The following CRACR2A variants were observed in gnomAD, a reference collection of about 807,000 sequenced individuals.
The protein encoded by CRACR2A is EF-hand calcium-binding domain-containing protein 4B.
CRACR2A carries 79 observed loss-of-function variants against 90.5 expected under a neutral mutation model. The ratio of observed to expected loss-of-function variants is 0.87; its 90% CI spans 0.73 to 1.05. The LOEUF is 1.05. Ranked by LOEUF, CRACR2A falls within the 50% of genes least tolerant of loss-of-function variation. The pLI is 0.00. For missense variants in CRACR2A, 823 were observed against 897.2 expected (o/e 0.92, Z 1.06); for synonymous variants, 338 against 356.7 (o/e 0.95, Z 0.59).
chr12:3,697,648 G>A (rs1464292556), intron 3 of CRACR2A, among the ~76,000 whole-genome samples: 1 of 152,218 alleles, frequency 6.6e-6, no homozygotes, highest in Admixed American at 6.5e-5. Flanking sequence ...TCAGGTGGAT[G>A]CACTTGCTCC....
At chr12:3,653,050 T>C (rs1294424371) in intron 10 of CRACR2A, among the ~76,000 whole-genome samples, 1 of 151,806 alleles carries the variant, frequency 6.6e-6, no homozygotes, top group Non-Finnish European at 1.5e-5. Flanking sequence ...TGGCACGATC[T>C]TGGCTCACTG....
rs142209427 is a variant in CRACR2A at position 3,682,160 on chromosome 12, C to T, written c.229-1811G>A. 1.7e-3 allele frequency among the ~76,000 whole-genome samples: 257 copies of T among 152,334 alleles called. 5 individuals are homozygous for T. The East Asian group carries it at 0.044, about 26-fold the overall frequency. On this transcript the variant is annotated intron_variant, in intron 4 of 19. Coordinates refer to ENST00000440314, the MANE Select transcript of CRACR2A (RefSeq NM_001144958.2). Reference sequence around the variant, plus strand: ...AGGGTAAAAGCGCAAGCTCCTGTCACGCTCACATTCCAGTCCTTCCTTTGG... The same window carrying T: ...AGGGTAAAAGCGCAAGCTCCTGTCATGCTCACATTCCAGTCCTTCCTTTGG...
rs551730184 is a variant in CRACR2A, at chr12:3,697,054, A to G, written c.-36-19T>C. ...TCAGAACCTGAACATAGAAAATGGG[A>G]GAGAGAAGTGGGTGTGGTGGGTTGG... On this transcript the variant is annotated intron_variant, in intron 3 of 19. Coordinates refer to ENST00000440314, the MANE Select transcript of CRACR2A (RefSeq NM_001144958.2). 5.3e-4 allele frequency: 825 copies of G among 1,543,986 alleles called. No homozygotes were observed. The highest frequency in any genetic ancestry group is 6.8e-4 in the Non-Finnish European group (774 of 1,142,078).
At chr12:3,718,710 A>G (rs533824300) in intron 2 of CRACR2A, among the ~76,000 whole-genome samples, 1 of 152,350 alleles carries the variant, frequency 6.6e-6, no homozygotes, top group East Asian at 1.9e-4. Flanking sequence ...ACTTTTTTAA[A>G]ACAATGTGGC....
intron 1 of CRACR2A, among the ~76,000 whole-genome samples, chr12:3,739,144 T>C (rs935436602): frequency 7.2e-5 from 11 of 152,096 alleles, no homozygotes; most frequent in African/African-American, 2.7e-4. Context: ...AGATCTGAGA[T>C]TAAGGAAGAA....
intron 1 of CRACR2A, among the ~76,000 whole-genome samples, chr12:3,752,040 G>C (rs78773614): frequency 9.9e-4 from 150 of 152,044 alleles, no homozygotes; most frequent in African/African-American, 3.6e-3. Flanking sequence ...AAGACTCTTC[G>C]GTACATGCTG....
At chr12:3,639,178 C>T (rs1039288984) in intron 13 of CRACR2A, among the ~76,000 whole-genome samples, 4 of 152,164 alleles carry the variant, frequency 2.6e-5, no homozygotes, top group South Asian at 4.1e-4. Context: ...GAAAGCCAGG[C>T]AGAGCATCTC....
intron 1 of CRACR2A, among the ~76,000 whole-genome samples, chr12:3,742,798 C>T (rs930622134): frequency 3.3e-5 from 5 of 152,202 alleles, no homozygotes. Flanking sequence ...AAGCTCAGTT[C>T]CCACCTACTT....
Position 3,702,779 on chromosome 12 carries a change from T to C in CRACR2A, c.-36-5744A>G, listed in dbSNP as rs1191972968. On this transcript the variant is annotated intron_variant, in intron 3 of 19. Transcript: ENST00000440314. ...CACCAGGCTTATTTGTAGAAACTGA[T>C]AACCTGATTTAGAATTCACACAAAA... 3.3e-5 allele frequency among the ~76,000 whole-genome samples: 5 copies of C among 152,214 alleles called. No individual in the cohort carries two copies. In the East Asian group the frequency reaches 9.6e-4, roughly 29 times the overall value.
At chr12:3,668,956 G>A (rs536458170) in intron 7 of CRACR2A, among the ~76,000 whole-genome samples, 3 of 152,322 alleles carry the variant, frequency 2.0e-5, no homozygotes, top group African/African-American at 2.4e-5. Context: ...TGTCAAGGCC[G>A]ATGCCAAACA....
chr12:3,668,787 C>A (rs1294079547), intron 7 of CRACR2A, among the ~76,000 whole-genome samples: 4 of 152,300 alleles, frequency 2.6e-5, no homozygotes, highest in South Asian at 4.1e-4. Flanking sequence ...CAGGGAATCA[C>A]CATGGACCGG....
chr12:3,649,762 A>G (rs1380994399), intron 10 of CRACR2A, among the ~76,000 whole-genome samples: 1 of 151,890 alleles, frequency 6.6e-6, no homozygotes, highest in Non-Finnish European at 1.5e-5. Flanking sequence ...AGTTGTAGGA[A>G]GAAAGAAAAG....
At chr12:3,704,381 G>A (rs1410653350) in intron 3 of CRACR2A, among the ~76,000 whole-genome samples, 1 of 152,180 alleles carries the variant, frequency 6.6e-6, no homozygotes, top group African/African-American at 2.4e-5. Flanking sequence ...GGAGTGAGAA[G>A]GAGGGATTAC....
In CRACR2A at chr12:3,696,971, G is replaced by C. The variant is rs145705713; in HGVS notation, c.29C>G (p.Ser10Cys). Reference sequence around the variant, plus strand: ...CCCCTGACCAAGTCTCTGGGGTCTGGAGACTACCCTCCCGTCAGGGGCAGC... The same window carrying C: ...CCCCTGACCAAGTCTCTGGGGTCTGCAGACTACCCTCCCGTCAGGGGCAGC... MAAPDGRVV[S>C]RPQRLGQGSG... Residue 10 changes from serine to cysteine, a missense_variant, in exon 4 of 20, where the codon TCC becomes TGC. Coordinates refer to ENST00000440314, the MANE Select transcript of CRACR2A (RefSeq NM_001144958.2). 5.0e-6 allele frequency: 8 copies of C among 1,613,684 alleles called. No homozygotes were observed. The African/African-American group carries it at 9.3e-5, about 19-fold the overall frequency.
rs915800283 is a variant in CRACR2A, at chr12:3,628,046, CCTCT to C, written c.1736-344_1736-341del. On this transcript the variant is annotated intron_variant, in intron 15 of 19. Transcript: ENST00000440314. ...CTCTCCTTCCCTCCCTCTCTCCTTCCCTCTCTCTCTCTTTCCCTCCCTCTCTCCC... is the reference window on the plus strand; with the variant it reads ...CTCTCCTTCCCTCCCTCTCTCCTTCCCTCTCTCTTTCCCTCCCTCTCTCCC... 1.3e-4 allele frequency among the ~76,000 whole-genome samples: 17 copies of C among 133,712 alleles called. No homozygotes were observed. In the East Asian group the frequency reaches 2.0e-3, roughly 15 times the overall value. The allele number at this position is 133,712 out of a possible 152,430, so 87.7% of individuals were successfully genotyped here. A position where few individuals can be genotyped will look rare whatever the true frequency, so the allele number is the denominator to read the frequency against.
intron 7 of CRACR2A, among the ~76,000 whole-genome samples, chr12:3,672,565 A>AACCATCCCT (rs367724162): frequency 6.6e-6 from 1 of 152,364 alleles, no homozygotes; most frequent in African/African-American, 2.4e-5. Flanking sequence ...CAGGGTTATG[A>AACCATCCCT]ACCATCCCTA....
In CRACR2A at chr12:3,620,811, A is replaced by C. The variant is rs564369821; in HGVS notation, c.1933-1439T>G. On this transcript the variant is annotated intron_variant, in intron 17 of 19. Transcript: ENST00000440314. ...ACTCAAAGGCGCTACAAGATCTTAC[A>C]GTGTCTTCTGACCCATCAAAAATAG... 3.3e-5 allele frequency among the ~76,000 whole-genome samples: 5 copies of C among 152,372 alleles called. No individual in the cohort carries two copies. The South Asian group carries it at 1.0e-3, about 32-fold the overall frequency.
At chr12:3,660,829 AACACACACACACACACACACACACAC>A (rs58293233) in intron 7 of CRACR2A, among the ~76,000 whole-genome samples, 42 of 119,712 alleles carry the variant, frequency 3.5e-4, no homozygotes, top group South Asian at 1.7e-3. Context: ...CTGAACATGC[AACACACACACACACACACACACACAC>A]ACACACACAC....
intron 2 of CRACR2A, among the ~76,000 whole-genome samples, chr12:3,719,376 C>T (rs1400344591): frequency 3.3e-5 from 5 of 152,172 alleles, no homozygotes; most frequent in African/African-American, 1.2e-4. Context: ...AGGTAAATCA[C>T]CAGATCCTGT....
Sources: gnomAD v4.1 joint callset for allele counts (sites outside exome capture counted in the v4.1 genomes callset) on GRCh38, gnomAD v4.1.1 for gene constraint, MANE v1.5 for transcripts, NCBI Gene and HGNC (gene_info 2026-07-23, HGNC 2026-07-21) for gene names.